KANK1: variants seen among roughly 807,000 people sequenced by gnomAD.
KANK1 encodes the protein KN motif and ankyrin repeat domains 1.
KANK1 carries 109 observed loss-of-function variants against 106.2 expected under a neutral mutation model. The ratio of observed to expected loss-of-function variants is 1.03; its 90% confidence interval spans 0.88 to 1.20. KANK1 has a LOEUF of 1.20. KANK1 is among the 50% of genes most tolerant of loss of function. KANK1 has a pLI of 0.00. For synonymous variants in KANK1, 873 were observed against 652.2 expected, an observed-to-expected ratio of 1.34 and a Z score of -5.16; for missense variants, 2,399 against 1,710.7, an observed-to-expected ratio of 1.40 and a Z score of -7.10.
chr9:626,936 G>A (rs901657984), intron 1 of KANK1, among the ~76,000 whole-genome samples: 5 of 151,948 alleles, frequency 3.3e-5, no homozygotes, highest in South Asian at 2.1e-4. Flanking sequence ...GGTGTACATC[G>A]GTGCTTCTCA....
chr9:624,659 C>T (rs1378209971), intron 1 of KANK1, among the ~76,000 whole-genome samples: 1 of 151,886 alleles, frequency 6.6e-6, no homozygotes, highest in Non-Finnish European at 1.5e-5. Flanking sequence ...AAAAATTAGT[C>T]GGGCGTAGTC....
intron 1 of KANK1, among the ~76,000 whole-genome samples, chr9:515,969 CCT>C (rs1457757382): frequency 6.6e-6 from 1 of 151,758 alleles, no homozygotes; most frequent in Non-Finnish European, 1.5e-5. Flanking sequence ...CCTATTTTAT[CCT>C]CTCAGTTGTT....
chr9:726,638 G>A (rs984585581), intron 3 of KANK1, among the ~76,000 whole-genome samples: 4 of 151,510 alleles, frequency 2.6e-5, no homozygotes, highest in South Asian at 2.1e-4. Flanking sequence ...ACTCTGTCTC[G>A]AAAGAAGAAA....
At chr9:645,769 T>A (rs1357095911) in intron 1 of KANK1, among the ~76,000 whole-genome samples, 3 of 150,492 alleles carry the variant, frequency 2.0e-5, no homozygotes, top group African/African-American at 7.5e-5. Context: ...CCTGTAATCC[T>A]GACCAGCCAG....
At chr9:660,942 A>G (rs1224118398) in intron 1 of KANK1, among the ~76,000 whole-genome samples, 1 of 152,170 alleles carries the variant, frequency 6.6e-6, no homozygotes, top group East Asian at 1.9e-4. Flanking sequence ...TGTGAGACCA[A>G]CCTTCCATCA....
intron 1 of KANK1, among the ~76,000 whole-genome samples, chr9:589,376 A>G (rs1351391181): frequency 6.6e-6 from 1 of 152,144 alleles, no homozygotes; most frequent in African/African-American, 2.4e-5. Flanking sequence ...ATGATAAGCT[A>G]AGGAGGTGCA....
At chr9:586,850 C>T (rs979517671) in intron 1 of KANK1, among the ~76,000 whole-genome samples, 1 of 152,160 alleles carries the variant, frequency 6.6e-6, no homozygotes. Flanking sequence ...CCCTTTTATT[C>T]TGGCCTGCCC....
intron 2 of KANK1, among the ~76,000 whole-genome samples, chr9:681,280 T>G (rs1340453873): frequency 6.6e-6 from 1 of 152,182 alleles, no homozygotes; most frequent in Non-Finnish European, 1.5e-5. Context: ...GCGTCTTTTG[T>G]TAAGGAGGTA....
chr9:580,877 G>C (rs987198482), intron 1 of KANK1, among the ~76,000 whole-genome samples: 1 of 152,188 alleles, frequency 6.6e-6, no homozygotes, highest in East Asian at 1.9e-4. Context: ...TCTGGGGGAG[G>C]CTCCGGCATG....
At chr9:503,581 G>C (rs1342441273), upstream of KANK1, among the ~76,000 whole-genome samples, 1 of 152,230 alleles carries the variant, frequency 6.6e-6, no homozygotes, top group African/African-American at 2.4e-5. Flanking sequence ...AAGACTGAGC[G>C]TGTGTAACGC....
chr9:700,747 C>T (rs985072498), intron 2 of KANK1, among the ~76,000 whole-genome samples: 16 of 152,172 alleles, frequency 1.1e-4, no homozygotes, highest in Admixed American at 1.0e-3. Flanking sequence ...TTTCAACAGT[C>T]AGGTGTGGTA....
At chr9:656,879 CT>C (rs200747803) in intron 1 of KANK1, among the ~76,000 whole-genome samples, 1 of 151,234 alleles carries the variant, frequency 6.6e-6, no homozygotes, top group Non-Finnish European at 1.5e-5. Context: ...TACTTTTTTC[CT>C]TTTTTTTTAT....
intron 1 of KANK1, among the ~76,000 whole-genome samples, chr9:576,296 C>T (rs1820541087): frequency 6.6e-6 from 1 of 152,142 alleles, no homozygotes; most frequent in African/African-American, 2.4e-5. Flanking sequence ...ATAACATACC[C>T]TTGGGTCCTG....
At chr9:477,970 C>T (rs1488728622) in intron 3 of KANK1, 1 of 161,032 alleles carries the variant, frequency 6.2e-6, no homozygotes, top group Non-Finnish European at 1.4e-5. Context: ...GGACCTGTCT[C>T]CAAAATAAGT....
intron 8 of KANK1, among the ~76,000 whole-genome samples, chr9:740,549 A>G (rs575991254): frequency 6.6e-6 from 1 of 152,238 alleles, no homozygotes; most frequent in South Asian, 2.1e-4. Flanking sequence ...GTTGCAAACA[A>G]GATACGCTGT....
Position 710,883 on chromosome 9 carries a change from T to G in KANK1, c.117T>G (p.Tyr39Ter). Residue 39 changes from tyrosine (Y) to a stop codon, truncating the protein, a stop_gained, in exon 3 of 12, where the codon TAT (tyrosine) becomes TAG (stop). Coordinates refer to ENST00000382297, the MANE Select transcript of KANK1 (RefSeq NM_015158.5). LOFTEE classifies it high-confidence loss of function. ...DPYFVETPYG[Y>*]QLDLDFLKYV... ...ACTTTGTGGAGACCCCCTATGGTTA[T>G]CAACTAGACTTAGATTTCCTCAAAT... 1 of 1,614,092 alleles carries G rather than the reference T, an allele frequency of 6.2e-7. No individual in the cohort carries two copies. The highest frequency in any genetic ancestry group is 8.5e-7 in the Non-Finnish European group (1 of 1,179,966).
Position 732,419 on chromosome 9 carries a change from G to A in KANK1, c.3047G>A (p.Ser1016Asn), listed in dbSNP as rs1159871130. ...AGTGATGATTCCAGCTCAGATGAAA[G>A]CTCTTCTTCCGAGTCAGATGACGAG... Reference protein sequence around the residue: ...TSSDDSSSDESSSSESDDECD... With the variant: ...TSSDDSSSDENSSSESDDECD... Residue 1016 changes from serine (S) to asparagine (N), a missense_variant, in exon 6 of 12, where the codon AGC (serine) becomes AAC (asparagine). Physicochemically the swap from Ser to Asn is conservative, Grantham distance 46. Coordinates refer to ENST00000382297, the MANE Select transcript of KANK1 (RefSeq NM_015158.5). 1 of 1,613,984 alleles carries A rather than the reference G, an allele frequency of 6.2e-7. No homozygotes were observed. The highest frequency in any genetic ancestry group is 1.3e-5 in the African/African-American group (1 of 74,910).
At chr9:624,986 C>T (rs1003021534) in intron 1 of KANK1, among the ~76,000 whole-genome samples, 1 of 151,990 alleles carries the variant, frequency 6.6e-6, no homozygotes, top group Admixed American at 6.6e-5. Flanking sequence ...TTTTTTGTTC[C>T]TTAATTTCTA....
intron 1 of KANK1, among the ~76,000 whole-genome samples, chr9:538,334 T>C (rs576628793): frequency 3.9e-5 from 6 of 152,262 alleles, no homozygotes; most frequent in Admixed American, 2.0e-4. Context: ...CAGGGCCCTG[T>C]TTTTTTGTAA....
Sources: allele counts gnomAD v4.1 joint callset (sites outside exome capture counted in the v4.1 genomes callset), GRCh38; gene constraint gnomAD v4.1.1; transcripts MANE v1.5; gene names NCBI Gene and HGNC (gene_info 2026-07-23, HGNC 2026-07-21).